FHIT: variants seen among roughly 807,000 people sequenced by gnomAD.
FHIT encodes bis(5'-adenosyl)-triphosphatase.
FHIT carries 19 observed loss-of-function variants against 17.9 expected under a neutral mutation model. That is an observed-to-expected ratio of 1.06 (90% CI 0.74 to 1.56). The LOEUF is 1.56. FHIT is among the 40% of genes most tolerant of loss of function. FHIT has a pLI of 0.00. For synonymous variants in FHIT, 81 were observed against 69.7 expected (o/e 1.16, Z -0.81); for missense variants, 248 against 189.2 (o/e 1.31, Z -1.82).
At chr3:60,061,309 C>A (rs1171207021) in intron 5 of FHIT, among the ~76,000 whole-genome samples, 2 of 152,194 alleles carry the variant, frequency 1.3e-5, no homozygotes, top group Non-Finnish European at 2.9e-5. Flanking sequence ...CGAGGCCCTG[C>A]CCTCCAACCT....
intron 1 of FHIT, among the ~76,000 whole-genome samples, chr3:61,220,424 C>G (rs2039806159): frequency 6.6e-6 from 1 of 152,200 alleles, no homozygotes; most frequent in South Asian, 2.1e-4. Context: ...AAACCTAACA[C>G]TTCTCAGATA....
chr3:60,632,422 T>C (rs1395195602), intron 4 of FHIT, among the ~76,000 whole-genome samples: 5 of 152,170 alleles, frequency 3.3e-5, no homozygotes, highest in African/African-American at 1.2e-4. Context: ...AGGGGCTCCA[T>C]GTCTTTTGTT....
At chr3:61,189,514 T>C (rs1430183805) in intron 2 of FHIT, among the ~76,000 whole-genome samples, 1 of 152,192 alleles carries the variant, frequency 6.6e-6, no homozygotes, top group African/African-American at 2.4e-5. Context: ...CTGCCCAAGG[T>C]AATTTGTAGA....
intron 3 of FHIT, among the ~76,000 whole-genome samples, chr3:60,875,708 T>C (rs1704616889): frequency 1.7e-4 from 1 of 6,004 alleles, no homozygotes; most frequent in South Asian, 0.013. Context: ...TTAAATATAT[T>C]TTTTTCATAT....
chr3:60,010,392 C>A (rs1199349595), intron 7 of FHIT, among the ~76,000 whole-genome samples: 3 of 152,178 alleles, frequency 2.0e-5, no homozygotes, highest in Admixed American at 2.0e-4. Context: ...TAAACTTTCA[C>A]TGCTTAGAAG....
intron 3 of FHIT, among the ~76,000 whole-genome samples, chr3:60,871,357 A>G (rs1451230970): frequency 2.0e-5 from 3 of 152,112 alleles, no homozygotes; most frequent in Non-Finnish European, 4.4e-5. Flanking sequence ...CCTGTCTCCC[A>G]TGATTATCTC....
intron 5 of FHIT, among the ~76,000 whole-genome samples, chr3:60,287,965 T>C (rs1707805537): frequency 8.2e-6 from 1 of 121,428 alleles, no homozygotes. Flanking sequence ...ATTTAGTATC[T>C]TATACAGGTT....
At position 60,281,643 on chromosome 3, in the gene FHIT, C is replaced by T. The variant is rs527691827; in HGVS notation, c.103+255217G>A. Among the ~76,000 whole-genome samples the T allele has an allele frequency of 1.5e-4, 22 of 144,446 alleles. 1 individual carries two copies. Among genetic ancestry groups the T allele is most frequent in the Middle Eastern group, 7.9e-3 (2 of 254 alleles). The allele number at this position is 144,446 out of a possible 152,430, so 94.8% of individuals were successfully genotyped here. On this transcript the variant is annotated intron_variant, in intron 5 of 9. Transcript: ENST00000492590. ...CAAAAAAAAAAAAAGGGGGGATCTA[C>T]ACACAGACCTTACACCTTTTACAAA...
At chr3:61,186,912 G>C (rs117536469) in intron 2 of FHIT, among the ~76,000 whole-genome samples, 4 of 152,096 alleles carry the variant, frequency 2.6e-5, no homozygotes, top group Admixed American at 6.5e-5. Flanking sequence ...AACTCTGACC[G>C]CTCCAAATGA....
intron 5 of FHIT, among the ~76,000 whole-genome samples, chr3:60,229,939 G>A (rs967061257): frequency 2.6e-5 from 4 of 152,144 alleles, no homozygotes; most frequent in African/African-American, 9.7e-5. Flanking sequence ...CTATGATTGT[G>A]CCACTGCACT....
intron 2 of FHIT, among the ~76,000 whole-genome samples, chr3:61,104,835 G>A (rs1245947828): frequency 6.6e-6 from 1 of 151,910 alleles, no homozygotes; most frequent in South Asian, 2.1e-4. Context: ...CTCTGAAATT[G>A]TTTCCTCTGC....
intron 4 of FHIT, among the ~76,000 whole-genome samples, chr3:60,544,303 A>T (rs145873986): frequency 2.9e-4 from 44 of 151,948 alleles, no homozygotes; most frequent in Admixed American, 1.4e-3. Context: ...GAAGCCTTTA[A>T]TCAAGCTAAA....
At chr3:60,486,640 A>T (rs2033854235) in intron 5 of FHIT, among the ~76,000 whole-genome samples, 1 of 152,208 alleles carries the variant, frequency 6.6e-6, no homozygotes, top group African/African-American at 2.4e-5. Flanking sequence ...TGAAGGTAAT[A>T]TTCCAGATGC....
intron 4 of FHIT, among the ~76,000 whole-genome samples, chr3:60,632,175 G>C (rs149665879): frequency 6.6e-6 from 1 of 152,096 alleles, no homozygotes; most frequent in African/African-American, 2.4e-5. Context: ...ACATCTTCAG[G>C]GGCTGACTAA....
chr3:60,453,912 G>A (rs1316154001), intron 5 of FHIT, among the ~76,000 whole-genome samples: 1 of 152,102 alleles, frequency 6.6e-6, no homozygotes, highest in Non-Finnish European at 1.5e-5. Context: ...ACAGACAAAA[G>A]TTTCAGGGGA....
chr3:60,461,718 A>G (rs952974339), intron 5 of FHIT, among the ~76,000 whole-genome samples: 5 of 152,148 alleles, frequency 3.3e-5, no homozygotes, highest in Non-Finnish European at 5.9e-5. Flanking sequence ...CTCTCACCCA[A>G]TAGCCTTAGA....
chr3:60,964,914 G>T (rs1709646169), intron 3 of FHIT, among the ~76,000 whole-genome samples: 1 of 152,102 alleles, frequency 6.6e-6, no homozygotes, highest in Non-Finnish European at 1.5e-5. Context: ...GTGTCTTGGA[G>T]TTGCTCTTCT....
At chr3:60,270,671 A>T (rs993277593) in intron 5 of FHIT, among the ~76,000 whole-genome samples, 1 of 152,232 alleles carries the variant, frequency 6.6e-6, no homozygotes, top group South Asian at 2.1e-4. Context: ...AAAAAGCTCA[A>T]ATAAAAATGG....
At chr3:60,329,282 G>A (rs1709846912) in intron 5 of FHIT, among the ~76,000 whole-genome samples, 1 of 151,924 alleles carries the variant, frequency 6.6e-6, no homozygotes, top group African/African-American at 2.4e-5. Context: ...CTAGCTGAGT[G>A]TTCTAGCCAT....
Sources: gnomAD v4.1 joint callset for allele counts (sites outside exome capture counted in the v4.1 genomes callset) on GRCh38, gnomAD v4.1.1 for gene constraint, MANE v1.5 for transcripts, NCBI Gene and HGNC (gene_info 2026-07-23, HGNC 2026-07-21) for gene names.